The following ASMTL variants were observed in gnomAD, a reference collection of about 807,000 sequenced individuals.
ASMTL encodes acetylserotonin O-methyltransferase like, also known as probable bifunctional dTTP/UTP pyrophosphatase/methyltransferase protein.
A neutral mutation model predicts 60.3 loss-of-function variants in ASMTL; 57 were observed. That is an observed-to-expected ratio of 0.95 (90% CI 0.76 to 1.18). The LOEUF (loss-of-function observed/expected upper bound fraction) is 1.18. Ranked by LOEUF, ASMTL falls within the 50% of genes most tolerant of loss-of-function variation. ASMTL has a pLI of 0.00. For synonymous variants in ASMTL, 419 were observed against 373.0 expected (o/e 1.12, Z -1.42); for missense variants, 981 against 852.6 (o/e 1.15, Z -1.88).
At chrX:1,404,393 G>A (rs1361319467) in intron 12 of ASMTL, among the ~76,000 whole-genome samples, 1 of 150,922 alleles carries the variant, frequency 6.6e-6, no homozygotes, top group East Asian at 2.0e-4. Flanking sequence ...TGATGGGTAG[G>A]TAGGTGGATG....
intron 2 of ASMTL, among the ~76,000 whole-genome samples, chrX:1,440,490 T>C (rs1328588558): frequency 6.6e-6 from 1 of 152,258 alleles, no homozygotes; most frequent in Non-Finnish European, 1.5e-5. Context: ...TAGCATTATA[T>C]TCATTGTAAC....
rs2089656322 is a variant in ASMTL at position 1,403,145 on chromosome X, T to C, written c.*124A>G. The C allele has an allele frequency of 2.6e-6, 2 of 771,024 alleles. No homozygotes were observed. The highest frequency in any genetic ancestry group is 4.4e-6 in the Non-Finnish European group (2 of 456,374). 47.8% of individuals were successfully genotyped at this position (771,024 alleles called of 1,614,324 possible). ...CCTATGGAGGAGGCAGAGACAGGCT[T>C]TTGCTTTCTTTATTCAGTCACGACT... On this transcript the variant is annotated 3_prime_UTR_variant, in exon 13 of 13. Transcript: ENST00000381317.
At chrX:1,452,664 C>T in intron 1 of ASMTL, 84 bp downstream of exon 1, 1 of 1,152,936 alleles carries the variant, frequency 8.7e-7, no homozygotes, top group Non-Finnish European at 1.2e-6. Flanking sequence ...CCATCCCTAT[C>T]CCTAGAGTTC....
At chrX:1,425,493 T>A in intron 8 of ASMTL, 32 bp downstream of exon 8, 1 of 1,598,366 alleles carries the variant, frequency 6.3e-7, no homozygotes, top group South Asian at 1.1e-5. Context: ...CCTGCAAAGA[T>A]CCTCAGAGCA....
chrX:1,440,903 C>T (rs1239574420), intron 2 of ASMTL, among the ~76,000 whole-genome samples: 2 of 152,070 alleles, frequency 1.3e-5, no homozygotes, highest in African/African-American at 4.8e-5. Context: ...CTATGTATCA[C>T]AACACATAGT....
intron 11 of ASMTL, among the ~76,000 whole-genome samples, chrX:1,417,669 A>T (rs2090342003): frequency 6.6e-6 from 1 of 151,600 alleles, no homozygotes; most frequent in Non-Finnish European, 1.5e-5. Context: ...ACATACTCTC[A>T]CAGAAACATA....
At chrX:1,407,228 A>G (rs1204376293) in intron 12 of ASMTL, among the ~76,000 whole-genome samples, 23 of 149,510 alleles carry the variant, frequency 1.5e-4, no homozygotes, top group Non-Finnish European at 2.4e-4. Flanking sequence ...ATGGTAGATG[A>G]TGGGTAGGTA....
rs374660941 is a variant in ASMTL, at chrX:1,417,846, GCA to G, written c.1522+125_1522+126del. ...ACAAGCACCGTAGACAGTCCCATTT[GCA>G]CACACATACCCACCATGGAAACGCC... On this transcript the variant is annotated intron_variant, in intron 11 of 12. Coordinates refer to ENST00000381317, the MANE Select transcript of ASMTL (RefSeq NM_004192.4). 8.0e-5 allele frequency: 98 copies of G among 1,224,950 alleles called. No individual in the cohort carries two copies. In the African/African-American group the frequency reaches 1.2e-3, roughly 15 times the overall value. The allele number at this position is 1,224,950 out of a possible 1,614,324, so 75.9% of individuals were successfully genotyped here. A position where few individuals can be genotyped will look rare whatever the true frequency, so the allele number is the denominator to read the frequency against.
chrX:1,449,281 C>T (rs1360380164), intron 1 of ASMTL, among the ~76,000 whole-genome samples: 2 of 151,968 alleles, frequency 1.3e-5, no homozygotes, highest in Admixed American at 1.3e-4. Flanking sequence ...CACTCCTCAG[C>T]GCTCCTCACC....
At chrX:1,432,511 G>T in intron 5 of ASMTL, 134 bp from the exon 6 acceptor site, 1 of 702,100 alleles carries the variant, frequency 1.4e-6, no homozygotes, top group South Asian at 1.6e-5. Context: ...CTTCATGGGA[G>T]AATAAGGTTC....
chrX:1,413,921 A>G (rs1337130033), intron 11 of ASMTL: 2 of 149,940 alleles, frequency 1.3e-5, no homozygotes, highest in African/African-American at 4.9e-5. Context: ...ATCAAACACA[A>G]CTGCAATGGG....
In ASMTL at chrX:1,451,175, TA is replaced by T. The variant is rs1569535227; in HGVS notation, c.93+1572del. ...TGGGACACTCCTCCCTCCCCATCCC[TA>T]GGGGGTCCTGGGACACTCCTCCCTC... On this transcript the variant is annotated intron_variant, in intron 1 of 12. Coordinates refer to ENST00000381317, the MANE Select transcript of ASMTL (RefSeq NM_004192.4). 3.2e-5 allele frequency among the ~76,000 whole-genome samples: 3 copies of T among 92,468 alleles called. 1 individual carries two copies. The highest frequency in any genetic ancestry group is 1.9e-4 in the African/African-American group (3 of 15,550). The allele number at this position is 92,468 out of a possible 152,430, so 60.7% of individuals were successfully genotyped here. A position where few individuals can be genotyped will look rare whatever the true frequency, so the allele number is the denominator to read the frequency against.
chrX:1,415,963 A>G (rs1483073339), intron 11 of ASMTL, among the ~76,000 whole-genome samples: 1 of 152,032 alleles, frequency 6.6e-6, no homozygotes, highest in East Asian at 1.9e-4. Flanking sequence ...CAGGACACAG[A>G]TACACTGACA....
chrX:1,441,818 AAC>A (rs1279364333), intron 2 of ASMTL: 1 of 205,966 alleles, frequency 4.9e-6, no homozygotes, highest in Non-Finnish European at 9.8e-6. Flanking sequence ...AGGATATTAT[AAC>A]ACATAGTAAT....
chrX:1,448,645 T>G (rs1603451891), intron 1 of ASMTL, among the ~76,000 whole-genome samples: 1 of 151,450 alleles, frequency 6.6e-6, no homozygotes, highest in South Asian at 2.1e-4. Context: ...ACCGCCATCT[T>G]GGATAAGCAC....
At chrX:1,418,903 G>T in intron 10 of ASMTL, 79 bp downstream of exon 10, 6 of 1,561,918 alleles carry the variant, frequency 3.8e-6, no homozygotes, top group Non-Finnish European at 5.3e-6. Context: ...AAAGGCAGTT[G>T]GTAGGTGTCC....
chrX:1,419,218 G>A, intron 9 of ASMTL, 104 bp from the exon 10 acceptor site: 2 of 1,376,146 alleles, frequency 1.5e-6, no homozygotes, highest in South Asian at 1.3e-5. Context: ...CCAGAGCGTG[G>A]GGGCTCAGCC....
intron 1 of ASMTL, among the ~76,000 whole-genome samples, chrX:1,448,795 T>G: frequency 6.6e-6 from 1 of 150,500 alleles, no homozygotes. Context: ...CCATCTTGGA[T>G]AAGCACCACC....
At chrX:1,447,457 G>A (rs1303800828) in intron 1 of ASMTL, among the ~76,000 whole-genome samples, 1 of 151,208 alleles carries the variant, frequency 6.6e-6, no homozygotes, top group African/African-American at 2.4e-5. Context: ...CACCATCTTG[G>A]ACACACACGG....
Sources: allele counts gnomAD v4.1 joint callset (sites outside exome capture counted in the v4.1 genomes callset), GRCh38; gene constraint gnomAD v4.1.1; transcripts MANE v1.5; gene names NCBI Gene and HGNC (gene_info 2026-07-23, HGNC 2026-07-21).